GRM3: variants seen among roughly 807,000 people sequenced by gnomAD.
GRM3 encodes the protein metabotropic glutamate receptor 3.
Under a neutral mutation model 70.5 loss-of-function variants are expected in GRM3, and 26 were observed. The ratio of observed to expected loss-of-function variants is 0.37; its 90% CI spans 0.27 to 0.51. GRM3 has a LOEUF of 0.51. Ranked by LOEUF, GRM3 falls within the 20% of genes least tolerant of loss-of-function variation. The probability of loss-of-function intolerance (pLI) is 0.93; values close to 1 mark genes in which losing one functional copy is unlikely to be tolerated. For missense variants in GRM3, 859 were observed against 1,123.8 expected, an observed-to-expected ratio of 0.76 and a Z score of 3.37; for synonymous variants, 443 against 434.9, an observed-to-expected ratio of 1.02 and a Z score of -0.23.
intron 3 of GRM3, among the ~76,000 whole-genome samples, chr7:86,838,607 C>T (rs1798502779): frequency 6.6e-6 from 1 of 152,152 alleles, no homozygotes; most frequent in Non-Finnish European, 1.5e-5. Flanking sequence ...TCATGATTAT[C>T]ACCGGTACTT....
At chr7:86,843,981 C>T (rs1798606947) in intron 4 of GRM3, among the ~76,000 whole-genome samples, 1 of 152,048 alleles carries the variant, frequency 6.6e-6, no homozygotes, top group Admixed American at 6.6e-5. Flanking sequence ...CCAAGAATCT[C>T]GATATCAGCA....
At chr7:86,820,153 A>G (rs533255333) in intron 3 of GRM3, among the ~76,000 whole-genome samples, 6 of 152,326 alleles carry the variant, frequency 3.9e-5, no homozygotes, top group Non-Finnish European at 8.8e-5. Flanking sequence ...CTTTTGATGT[A>G]GAGAAGGCAT....
intron 1 of GRM3, among the ~76,000 whole-genome samples, chr7:86,734,348 G>A (rs1795807604): frequency 6.6e-6 from 1 of 152,068 alleles, no homozygotes; most frequent in South Asian, 2.1e-4. Flanking sequence ...CCTTTTCTGG[G>A]AGAAGTATTA....
Position 86,644,959 on chromosome 7 carries a change from C to A in GRM3, c.-141+87C>A, listed in dbSNP as rs755355740. 7.6e-6 allele frequency: 5 copies of A among 657,024 alleles called. 1 individual carries two copies. Among genetic ancestry groups the A allele is most frequent in the Middle Eastern group, 1.1e-3 (2 of 1,752 alleles). The allele number at this position is 657,024 out of a possible 1,614,324, so 40.7% of individuals were successfully genotyped here. On this transcript the variant is annotated intron_variant, in intron 1 of 5. Coordinates refer to ENST00000361669, the MANE Select transcript of GRM3 (RefSeq NM_000840.3). ...GGGTGCCGCGTGGGGCAGGCGCAGCCGGGAAAGTTGAGGTAGAGCATGGAC... is the reference window on the plus strand; with the variant it reads ...GGGTGCCGCGTGGGGCAGGCGCAGCAGGGAAAGTTGAGGTAGAGCATGGAC...
At chr7:86,661,550 C>A (rs530568828) in intron 1 of GRM3, among the ~76,000 whole-genome samples, 1 of 151,878 alleles carries the variant, frequency 6.6e-6, no homozygotes, top group Non-Finnish European at 1.5e-5. Context: ...ACAAAGTACT[C>A]AATGGAATGT....
At chr7:86,758,924 T>C (rs1393300868) in intron 1 of GRM3, among the ~76,000 whole-genome samples, 1 of 152,026 alleles carries the variant, frequency 6.6e-6, no homozygotes, top group Non-Finnish European at 1.5e-5. Context: ...GGTTCTTGGG[T>C]GTTTTCATTT....
intron 1 of GRM3, among the ~76,000 whole-genome samples, chr7:86,711,289 T>C (rs1301747796): frequency 2.0e-5 from 3 of 152,016 alleles, no homozygotes; most frequent in African/African-American, 7.2e-5. Context: ...TAATGGACAA[T>C]TTTGCAGAGC....
At chr7:86,700,915 A>C (rs1394001426) in intron 1 of GRM3, among the ~76,000 whole-genome samples, 2 of 151,944 alleles carry the variant, frequency 1.3e-5, no homozygotes, top group Admixed American at 6.6e-5. Flanking sequence ...TACTAATTAG[A>C]AACGTATCAT....
chr7:86,833,863 A>C (rs1285906874), intron 3 of GRM3, among the ~76,000 whole-genome samples: 1 of 152,134 alleles, frequency 6.6e-6, no homozygotes, highest in Non-Finnish European at 1.5e-5. Flanking sequence ...CATTTGAAGT[A>C]ATTTGTTTTA....
intron 1 of GRM3, among the ~76,000 whole-genome samples, chr7:86,756,441 TA>T (rs1320037677): frequency 6.6e-6 from 1 of 152,176 alleles, no homozygotes; most frequent in East Asian, 1.9e-4. Flanking sequence ...TAATTGCCTA[TA>T]AAAAGTCTTT....
chr7:86,777,846 G>C (rs989528720), intron 2 of GRM3, among the ~76,000 whole-genome samples: 1 of 152,114 alleles, frequency 6.6e-6, no homozygotes, highest in Admixed American at 6.6e-5. Context: ...CTGGGATTTT[G>C]TACAGCTAAT....
At chr7:86,652,065 T>G (rs1050158622) in intron 1 of GRM3, among the ~76,000 whole-genome samples, 1 of 152,204 alleles carries the variant, frequency 6.6e-6, no homozygotes, top group African/African-American at 2.4e-5. Flanking sequence ...TATTGAATTT[T>G]TACGTACTTC....
intron 5 of GRM3, 102 bp downstream of exon 5, chr7:86,850,646 A>C: frequency 5.3e-5 from 42 of 786,478 alleles, no homozygotes; most frequent in Non-Finnish European, 7.5e-5. Context: ...GAACAATCTC[A>C]ATTCGATTTT....
chr7:86,647,989 T>C (rs964032051), intron 1 of GRM3, among the ~76,000 whole-genome samples: 2 of 152,252 alleles, frequency 1.3e-5, no homozygotes, highest in African/African-American at 2.4e-5. Context: ...ATATTTTATC[T>C]TGTTACTTAA....
intron 1 of GRM3, among the ~76,000 whole-genome samples, chr7:86,669,974 C>T (rs1335610958): frequency 6.6e-6 from 1 of 152,110 alleles, no homozygotes; most frequent in Non-Finnish European, 1.5e-5. Flanking sequence ...TCACCAAATC[C>T]AACAACTTCT....
At chr7:86,718,087 T>C (rs1795364685) in intron 1 of GRM3, among the ~76,000 whole-genome samples, 1 of 152,038 alleles carries the variant, frequency 6.6e-6, no homozygotes, top group Non-Finnish European at 1.5e-5. Context: ...TCTTCATTGC[T>C]GAATGTGATA....
At position 86,826,391 on chromosome 7, in the gene GRM3, A is replaced by G. The variant is rs573985169; in HGVS notation, c.1325-12448A>G. 3.9e-5 allele frequency among the ~76,000 whole-genome samples: 6 copies of G among 152,318 alleles called. No individual in the cohort carries two copies. The East Asian group carries it at 7.7e-4, about 20-fold the overall frequency. On this transcript the variant is annotated intron_variant, in intron 3 of 5. Transcript: ENST00000361669. The stretch of plus-strand genomic sequence containing the variant: ...TGCTTCTTTCCTAAGAGCTGATTGA[A>G]GAGGAGATGTGCAGCTGGCTGACTG...
chr7:86,743,239 G>A (rs936926944), intron 1 of GRM3, among the ~76,000 whole-genome samples: 5 of 152,110 alleles, frequency 3.3e-5, no homozygotes. Context: ...CAACAGTTAA[G>A]ATTCAGATAA....
chr7:86,859,849 G>A (rs1175058832), intron 5 of GRM3, among the ~76,000 whole-genome samples: 1 of 152,200 alleles, frequency 6.6e-6, no homozygotes, highest in East Asian at 1.9e-4. Context: ...ACTGGTGGAA[G>A]AGAAGTGGAT....
Sources: allele counts gnomAD v4.1 joint callset (sites outside exome capture counted in the v4.1 genomes callset), GRCh38; gene constraint gnomAD v4.1.1; transcripts MANE v1.5; gene names NCBI Gene and HGNC (gene_info 2026-07-23, HGNC 2026-07-21).